The following RAD51B variants were observed in gnomAD, a reference collection of about 807,000 sequenced individuals.
The protein encoded by RAD51B is DNA repair protein RAD51 homolog 2.
Under a neutral mutation model 42.2 loss-of-function variants are expected in RAD51B, and 38 were observed. The ratio of observed to expected loss-of-function variants is 0.90; its 90% CI spans 0.70 to 1.18. RAD51B has a LOEUF of 1.18. RAD51B is among the 50% of genes most tolerant of loss of function. The pLI is 0.00. For synonymous variants in RAD51B, 154 were observed against 145.2 expected (o/e 1.06, Z -0.43); for missense variants, 373 against 400.7 (o/e 0.93, Z 0.59).
downstream of RAD51B, among the ~76,000 whole-genome samples, chr14:68,596,761 G>T (rs958740886): frequency 2.6e-5 from 4 of 152,364 alleles, no homozygotes; most frequent in Non-Finnish European, 5.9e-5. Context: ...TACAGAAGCA[G>T]AGTCAAGATC....
chr14:68,112,819 T>C (rs1464555926), intron 7 of RAD51B, among the ~76,000 whole-genome samples: 10 of 152,158 alleles, frequency 6.6e-5, no homozygotes, highest in Non-Finnish European at 1.3e-4. Flanking sequence ...GAGACTTCAC[T>C]ATAAAGGTAT....
At chr14:68,263,826 A>T (rs984241200) in intron 7 of RAD51B, among the ~76,000 whole-genome samples, 2 of 152,370 alleles carry the variant, frequency 1.3e-5, no homozygotes, top group East Asian at 3.9e-4. Flanking sequence ...ACTAATGGCA[A>T]ACTTGATCAT....
At chr14:68,597,339 G>T (rs1455780190), downstream of RAD51B, among the ~76,000 whole-genome samples, 1 of 152,160 alleles carries the variant, frequency 6.6e-6, no homozygotes. Context: ...GGGACATTGA[G>T]GATGACAGGA....
chr14:68,310,490 T>C (rs1411058427), intron 8 of RAD51B, among the ~76,000 whole-genome samples: 1 of 152,150 alleles, frequency 6.6e-6, no homozygotes, highest in Non-Finnish European at 1.5e-5. Context: ...GTTGTCAGTA[T>C]CACCATCATA....
intron 10 of RAD51B, among the ~76,000 whole-genome samples, chr14:68,649,529 A>G (rs1164397878): frequency 6.6e-6 from 1 of 152,238 alleles, no homozygotes; most frequent in East Asian, 1.9e-4. Flanking sequence ...TCCATTGGCC[A>G]TTAGCCCAGT....
intron 7 of RAD51B, among the ~76,000 whole-genome samples, chr14:68,247,749 T>A (rs1320714045): frequency 1.3e-5 from 2 of 152,190 alleles, no homozygotes; most frequent in Non-Finnish European, 2.9e-5. Context: ...ACTTGCACAT[T>A]TTCCTATTTA....
chr14:68,092,697 T>C lies in RAD51B; in HGVS notation c.757-199187T>C, dbSNP rs1002449813. On this transcript the variant is annotated intron_variant, in intron 7 of 10. Transcript: ENST00000471583. ...CTAATTGAATACCCTTTATTTCCTT[T>C]TCCTGCCTGATTGCCCTGACCAGAA... Among the ~76,000 whole-genome samples the C allele has an allele frequency of 3.3e-5, 5 of 152,202 alleles. No homozygotes were observed. The South Asian group carries it at 8.3e-4, about 25-fold the overall frequency.
intron 10 of RAD51B, chr14:68,540,326 G>C: frequency 4.8e-6 from 5 of 1,049,884 alleles, no homozygotes; most frequent in Non-Finnish European, 5.7e-6. Context: ...TGGATCATCA[G>C]ACCTCTTCTA....
chr14:68,648,041 ACG>A (rs369495798), intron 10 of RAD51B, among the ~76,000 whole-genome samples: 15 of 137,274 alleles, frequency 1.1e-4, no homozygotes, highest in Non-Finnish European at 2.0e-4. Context: ...ATATATACAC[ACG>A]TATATAGATG....
intron 7 of RAD51B, among the ~76,000 whole-genome samples, chr14:68,258,407 C>CCACACACA (rs368278669): frequency 2.0e-5 from 3 of 146,920 alleles, no homozygotes; most frequent in Non-Finnish European, 3.0e-5. Flanking sequence ...TACACACACA[C>CCACACACA]CACACACACA....
intron 7 of RAD51B, among the ~76,000 whole-genome samples, chr14:68,272,867 G>A (rs2081147204): frequency 6.7e-6 from 1 of 149,674 alleles, no homozygotes. Context: ...TGTATTTTTA[G>A]TAGAGATGGG....
At chr14:67,900,977 A>G (rs1430273692) in intron 7 of RAD51B, among the ~76,000 whole-genome samples, 9 of 152,190 alleles carry the variant, frequency 5.9e-5, no homozygotes, top group Admixed American at 5.9e-4. Flanking sequence ...ATGACCAAGA[A>G]GAATAAGGCT....
intron 7 of RAD51B, among the ~76,000 whole-genome samples, chr14:68,209,702 A>G (rs1487960450): frequency 6.6e-6 from 1 of 152,212 alleles, no homozygotes; most frequent in Admixed American, 6.5e-5. Context: ...TCGGATACAC[A>G]TGCCTTAACT....
intron 7 of RAD51B, among the ~76,000 whole-genome samples, chr14:68,177,545 G>A (rs899084751): frequency 3.9e-5 from 6 of 152,082 alleles, no homozygotes; most frequent in African/African-American, 1.4e-4. Flanking sequence ...CACTAGGCTG[G>A]AGCTTAAGTC....
intron 10 of RAD51B, chr14:68,540,831 G>A: frequency 3.0e-6 from 3 of 985,408 alleles, no homozygotes; most frequent in African/African-American, 1.7e-5. Flanking sequence ...TGGTGTGTTC[G>A]AGAGAAGGAA....
chr14:67,903,466 G>A (rs569184616), intron 7 of RAD51B, among the ~76,000 whole-genome samples: 35 of 152,154 alleles, frequency 2.3e-4, no homozygotes, highest in African/African-American at 8.0e-4. Flanking sequence ...CAAGACTCTT[G>A]TTTCTATTAT....
intron 7 of RAD51B, among the ~76,000 whole-genome samples, chr14:67,960,678 CT>C (rs1329237110): frequency 6.6e-6 from 1 of 151,964 alleles, no homozygotes; most frequent in Non-Finnish European, 1.5e-5. Flanking sequence ...CTTTCTTTTT[CT>C]TTTTTTAGAG....
chr14:68,061,072 T>C (rs1337974178), intron 7 of RAD51B, among the ~76,000 whole-genome samples: 1 of 147,448 alleles, frequency 6.8e-6, no homozygotes, highest in Non-Finnish European at 1.5e-5. Context: ...TTTTTTTTTT[T>C]TTTTCTTTTC....
intron 9 of RAD51B, among the ~76,000 whole-genome samples, chr14:68,422,519 C>T (rs2084731147): frequency 7.0e-6 from 1 of 141,878 alleles, no homozygotes; most frequent in Non-Finnish European, 1.5e-5. Context: ...AAGATCGCAC[C>T]ACTGCACTCC....
Sources: gnomAD v4.1 joint callset for allele counts (sites outside exome capture counted in the v4.1 genomes callset) on GRCh38, gnomAD v4.1.1 for gene constraint, MANE v1.5 for transcripts, NCBI Gene and HGNC (gene_info 2026-07-23, HGNC 2026-07-21) for gene names.